Variants in CHST9 observed in about 807,000 individuals in gnomAD.
The protein encoded by CHST9 is GalNAc-4-sulfotransferase 2.
CHST9 carries 41 observed loss-of-function variants against 44.4 expected under a neutral mutation model. The ratio of observed to expected loss-of-function variants is 0.92; its 90% confidence interval spans 0.72 to 1.20. The LOEUF (loss-of-function observed/expected upper bound fraction) is 1.20. CHST9 is among the 50% of genes most tolerant of loss of function. The probability of loss-of-function intolerance (pLI) is 0.00; values close to 1 mark genes in which losing one functional copy is unlikely to be tolerated. For synonymous variants in CHST9, 171 were observed against 178.4 expected (o/e 0.96, Z 0.33); for missense variants, 504 against 516.5 (o/e 0.98, Z 0.23).
chr18:27,139,935 G>A (rs2058550935), intron 2 of CHST9, among the ~76,000 whole-genome samples: 1 of 152,098 alleles, frequency 6.6e-6, no homozygotes, highest in Non-Finnish European at 1.5e-5. Flanking sequence ...CATCTGTACT[G>A]ATACTACTGC....
intron 2 of CHST9, among the ~76,000 whole-genome samples, chr18:27,065,416 G>A (rs2057770859): frequency 1.3e-5 from 2 of 152,082 alleles, no homozygotes; most frequent in South Asian, 4.1e-4. Context: ...TCTAGGGGAG[G>A]AGCAGAATGC....
At chr18:26,954,005 A>C (rs982934587) in intron 4 of CHST9, among the ~76,000 whole-genome samples, 2 of 152,192 alleles carry the variant, frequency 1.3e-5, no homozygotes, top group Admixed American at 6.5e-5. Context: ...TACGCCCATT[A>C]TAGATCTGCA....
intron 2 of CHST9, among the ~76,000 whole-genome samples, chr18:27,057,216 C>T (rs2057666752): frequency 6.6e-6 from 1 of 152,296 alleles, no homozygotes; most frequent in East Asian, 1.9e-4. Context: ...TAGGTAAATG[C>T]TATCTTTCAA....
At chr18:27,043,577 T>C (rs1002515795) in intron 3 of CHST9, among the ~76,000 whole-genome samples, 15 of 152,058 alleles carry the variant, frequency 9.9e-5, no homozygotes, top group African/African-American at 2.9e-4. Flanking sequence ...GATTCCATTT[T>C]CTTGGCTTCC....
At chr18:27,169,598 CTTTTTTT>C (rs1156859087) in intron 1 of CHST9, among the ~76,000 whole-genome samples, 31 of 82,188 alleles carry the variant, frequency 3.8e-4, no homozygotes, top group African/African-American at 1.2e-3. Context: ...ATATATTCTT[CTTTTTTT>C]TTTTTTTTTT....
chr18:27,102,442 C>T (rs2058182649), intron 2 of CHST9, among the ~76,000 whole-genome samples: 1 of 152,038 alleles, frequency 6.6e-6, no homozygotes, highest in Admixed American at 6.6e-5. Flanking sequence ...TCTAGTGGCG[C>T]AAACTATTGA....
chr18:27,000,654 A>ATCTATCTC (rs1555675570), intron 4 of CHST9, among the ~76,000 whole-genome samples: 1 of 150,310 alleles, frequency 6.7e-6, no homozygotes, highest in African/African-American at 2.5e-5. Context: ...CTATCTATCT[A>ATCTATCTC]TCTCTCTATC....
In CHST9 at chr18:26,951,646, G is replaced by GT. The variant is rs199868753; in HGVS notation, c.203-7281dup. 5.3e-5 allele frequency among the ~76,000 whole-genome samples: 8 copies of GT among 152,112 alleles called. No individual in the cohort carries two copies. The East Asian group carries it at 1.5e-3, about 29-fold the overall frequency. On this transcript the variant is annotated intron_variant, in intron 4 of 5. Coordinates refer to ENST00000618847, the MANE Select transcript of CHST9 (RefSeq NM_031422.6). ...CTTTACTCTCTCAAACCATAAATTT[G>GT]TAGTGCCTTACATAAAAAGTTACAA...
chr18:27,027,178 T>C (rs569360270), intron 3 of CHST9, among the ~76,000 whole-genome samples: 1 of 152,346 alleles, frequency 6.6e-6, no homozygotes, highest in South Asian at 2.1e-4. Flanking sequence ...GGCCATGTGA[T>C]AAATTAATTT....
intron 2 of CHST9, among the ~76,000 whole-genome samples, chr18:27,078,714 C>T (rs996042825): frequency 1.1e-4 from 17 of 152,142 alleles, no homozygotes; most frequent in African/African-American, 3.9e-4. Flanking sequence ...CATCTCCATC[C>T]TCTTGTCATC....
intron 2 of CHST9, among the ~76,000 whole-genome samples, chr18:27,049,594 C>T (rs919793236): frequency 2.0e-5 from 3 of 151,998 alleles, no homozygotes; most frequent in African/African-American, 4.8e-5. Context: ...GACAAATCAT[C>T]GAGGCAGAAA....
chr18:27,098,265 C>T (rs1471068900), intron 2 of CHST9, among the ~76,000 whole-genome samples: 1 of 151,784 alleles, frequency 6.6e-6, no homozygotes, highest in African/African-American at 2.4e-5. Context: ...GAGATACCAT[C>T]TCACGTCACT....
At chr18:26,942,496 G>T (rs2056098801) in intron 5 of CHST9, among the ~76,000 whole-genome samples, 1 of 152,048 alleles carries the variant, frequency 6.6e-6, no homozygotes, top group Admixed American at 6.6e-5. Context: ...AAGATTATGA[G>T]TAAATATTTG....
intron 2 of CHST9, among the ~76,000 whole-genome samples, chr18:27,089,350 T>C (rs2058044848): frequency 6.7e-6 from 1 of 148,550 alleles, no homozygotes; most frequent in African/African-American, 2.5e-5. Flanking sequence ...AGTGTTCTCA[T>C]TGTTCAATTC....
rs572211532 is a variant in CHST9, at chr18:27,008,197, T to C, written c.202+15919A>G. ...GGTGTATACAGATCTGGTGAAGATA[T>C]CAGAGATAGATCTCAGCAGGTGCCT... On this transcript the variant is annotated intron_variant, in intron 4 of 5. Transcript: ENST00000618847. Among the ~76,000 whole-genome samples, 8 of 152,212 alleles carry C rather than the reference T, an allele frequency of 5.3e-5. 1 individual carries two copies. In the East Asian group the frequency reaches 1.5e-3, roughly 29 times the overall value.
At chr18:27,140,305 C>A (rs1284329837) in intron 2 of CHST9, among the ~76,000 whole-genome samples, 1 of 152,142 alleles carries the variant, frequency 6.6e-6, no homozygotes. Context: ...TAGAATAATA[C>A]TCACCTAGTA....
chr18:27,053,616 T>C (rs2057615388), intron 2 of CHST9, among the ~76,000 whole-genome samples: 1 of 152,162 alleles, frequency 6.6e-6, no homozygotes. Flanking sequence ...TTTTCTGTCA[T>C]TGTAATCCAA....
intron 4 of CHST9, among the ~76,000 whole-genome samples, chr18:27,008,226 A>G (rs1379755986): frequency 6.6e-6 from 1 of 152,188 alleles, no homozygotes; most frequent in Non-Finnish European, 1.5e-5. Flanking sequence ...GGTGCCTTCT[A>G]TTAACTTCTC....
rs371647744 is a variant in CHST9 at position 27,157,482 on chromosome 18, C to T, written c.-96-14577G>A. Among the ~76,000 whole-genome samples the T allele has an allele frequency of 1.9e-4, 29 of 152,254 alleles. No homozygotes were observed. The South Asian group carries it at 5.6e-3, about 29-fold the overall frequency. On this transcript the variant is annotated intron_variant, in intron 1 of 5. Coordinates refer to ENST00000618847, the MANE Select transcript of CHST9 (RefSeq NM_031422.6). ...TTATCTCTCGTTTCACATTCTAGCC[C>T]ATGTGTGGTTAGCCTGCAACCATTT...
Sources: allele counts gnomAD v4.1 joint callset (sites outside exome capture counted in the v4.1 genomes callset), GRCh38; gene constraint gnomAD v4.1.1; transcripts MANE v1.5; gene names NCBI Gene and HGNC (gene_info 2026-07-23, HGNC 2026-07-21).